The following FMN1 variants were observed in gnomAD, a reference collection of about 807,000 sequenced individuals.
The protein encoded by FMN1 is formin 1, also known as formin-1.
In FMN1, 110 loss-of-function variants were observed where a neutral mutation model predicts 132.4. That is an observed-to-expected ratio of 0.83 (90% CI 0.71 to 0.97). FMN1 has a LOEUF of 0.97. Among genes scored for constraint, FMN1 ranks in the 50% least tolerant of loss-of-function variants. FMN1 has a pLI of 0.00. For synonymous variants in FMN1, 722 were observed against 651.7 expected, an observed-to-expected ratio of 1.11 and a Z score of -1.64; for missense variants, 1,792 against 1,705.3, an observed-to-expected ratio of 1.05 and a Z score of -0.90.
intron 7 of FMN1, among the ~76,000 whole-genome samples, chr15:32,973,583 C>T (rs73372970): frequency 6.6e-6 from 1 of 151,680 alleles, no homozygotes; most frequent in African/African-American, 2.4e-5. Context: ...CTCACCCCCC[C>T]CAAAAAAACA....
At chr15:32,978,531 C>T (rs1054254855) in intron 7 of FMN1, among the ~76,000 whole-genome samples, 1 of 152,194 alleles carries the variant, frequency 6.6e-6, no homozygotes, top group Non-Finnish European at 1.5e-5. Context: ...AGCCAACATA[C>T]TAATTCCTTC....
Position 33,033,192 on chromosome 15 carries a change from G to A in FMN1, c.2162-25117C>T, listed in dbSNP as rs569251244. 3.8e-4 allele frequency among the ~76,000 whole-genome samples: 58 copies of A among 152,004 alleles called. 1 individual carries two copies. The highest frequency in any genetic ancestry group is 1.1e-3 in the African/African-American group (45 of 41,448). On this transcript the variant is annotated intron_variant, in intron 6 of 20. Transcript: ENST00000616417. The stretch of plus-strand genomic sequence containing the variant: ...ACTACAGGTGCCCGCCACCACACGC[G>A]GCTAATTTTTTGTATTTTTAGTAGA...
At chr15:32,984,758 C>A (rs1476781179) in intron 7 of FMN1, among the ~76,000 whole-genome samples, 1 of 151,980 alleles carries the variant, frequency 6.6e-6, no homozygotes, top group Admixed American at 6.6e-5. Flanking sequence ...TTTTTTTCTA[C>A]ACAAATTGCA....
chr15:32,961,094 C>T (rs1310586302), intron 9 of FMN1, among the ~76,000 whole-genome samples: 2 of 148,318 alleles, frequency 1.3e-5, no homozygotes, highest in Non-Finnish European at 3.0e-5. Flanking sequence ...ATGTGAATTT[C>T]ACAACATACT....
chr15:33,040,014 T>C (rs2036356799), intron 6 of FMN1, among the ~76,000 whole-genome samples: 1 of 152,100 alleles, frequency 6.6e-6, no homozygotes, highest in Non-Finnish European at 1.5e-5. Context: ...CTGTCTACAG[T>C]CCAAAGTGCT....
chr15:32,819,727 T>G (rs943239719), intron 17 of FMN1, among the ~76,000 whole-genome samples: 5 of 152,160 alleles, frequency 3.3e-5, no homozygotes, highest in Non-Finnish European at 7.3e-5. Flanking sequence ...GTTGGGCATT[T>G]AGGATCTAAC....
chr15:33,010,478 C>A (rs2034652563), intron 6 of FMN1, among the ~76,000 whole-genome samples: 1 of 152,084 alleles, frequency 6.6e-6, no homozygotes, highest in African/African-American at 2.4e-5. Context: ...TGTTTTAAAT[C>A]TGACATTAAA....
At chr15:32,850,766 TTTA>T (rs1335852851) in intron 17 of FMN1, among the ~76,000 whole-genome samples, 1 of 152,260 alleles carries the variant, frequency 6.6e-6, no homozygotes, top group Non-Finnish European at 1.5e-5. Flanking sequence ...ACTGCTTTTG[TTTA>T]TTTTAAACCT....
intron 19 of FMN1, among the ~76,000 whole-genome samples, chr15:32,798,216 A>ACACCC (rs1286307994): frequency 7.8e-5 from 11 of 140,876 alleles, no homozygotes; most frequent in African/African-American, 2.6e-4. Flanking sequence ...ACACACACAC[A>ACACCC]CCCCGTCTAT....
intron 17 of FMN1, among the ~76,000 whole-genome samples, chr15:32,845,557 C>T (rs562277081): frequency 1.3e-5 from 2 of 152,250 alleles, no homozygotes; most frequent in South Asian, 4.1e-4. Flanking sequence ...AGTAGGATGG[C>T]ACAGTAACAA....
intron 19 of FMN1, among the ~76,000 whole-genome samples, chr15:32,791,429 T>C (rs186523771): frequency 1.3e-5 from 2 of 152,060 alleles, no homozygotes; most frequent in Admixed American, 1.3e-4. Flanking sequence ...TAAAGTACCA[T>C]CCATGGCTAA....
At chr15:33,042,615 T>TG (rs1013688566) in intron 6 of FMN1, among the ~76,000 whole-genome samples, 17 of 152,206 alleles carry the variant, frequency 1.1e-4, no homozygotes, top group African/African-American at 4.1e-4. Flanking sequence ...ACAAGAGTGT[T>TG]GGTACTACAC....
chr15:32,908,461 C>G (rs776274735), intron 12 of FMN1, 29 bp downstream of exon 12: 1 of 1,465,036 alleles, frequency 6.8e-7, no homozygotes, highest in African/African-American at 1.4e-5. Flanking sequence ...CTCCTTTTGG[C>G]CTAACAGAAA....
At chr15:33,017,201 G>C (rs996786686) in intron 6 of FMN1, among the ~76,000 whole-genome samples, 4 of 152,048 alleles carry the variant, frequency 2.6e-5, no homozygotes, top group Non-Finnish European at 5.9e-5. Flanking sequence ...GCGACAGGGG[G>C]TTTTTAGGAC....
intron 17 of FMN1, among the ~76,000 whole-genome samples, chr15:32,847,656 C>G (rs1212391454): frequency 6.6e-6 from 1 of 152,160 alleles, no homozygotes; most frequent in African/African-American, 2.4e-5. Context: ...AGATCGAGAC[C>G]ATCCTGGCTA....
chr15:32,835,418 G>A (rs1567242666), intron 17 of FMN1, among the ~76,000 whole-genome samples: 1 of 152,114 alleles, frequency 6.6e-6, no homozygotes. Context: ...CCGGAAGCCG[G>A]GAAAATACTG....
chr15:32,787,573 G>C (rs545326519), intron 19 of FMN1, among the ~76,000 whole-genome samples: 1 of 152,302 alleles, frequency 6.6e-6, no homozygotes, highest in South Asian at 2.1e-4. Context: ...TATTCCAGTT[G>C]GGCATGGTGG....
chr15:32,863,421 G>C (rs555495218), intron 16 of FMN1, among the ~76,000 whole-genome samples: 1 of 152,088 alleles, frequency 6.6e-6, no homozygotes, highest in South Asian at 2.1e-4. Context: ...GCGACAGAGC[G>C]AGACTCCATC....
At chr15:32,804,512 G>GC (rs1555459137) in intron 17 of FMN1, among the ~76,000 whole-genome samples, 180 bp from the exon 18 acceptor site, 2 of 106,886 alleles carry the variant, frequency 1.9e-5, no homozygotes, top group African/African-American at 6.7e-5. Context: ...TGCTACCACT[G>GC]CTTTTTTTTT....
Sources: allele counts gnomAD v4.1 joint callset (sites outside exome capture counted in the v4.1 genomes callset), GRCh38; gene constraint gnomAD v4.1.1; transcripts MANE v1.5; gene names NCBI Gene and HGNC (gene_info 2026-07-23, HGNC 2026-07-21).